The following CIMIP1 variants were observed in gnomAD, a reference collection of about 807,000 sequenced individuals.
CIMIP1 encodes low in lung cancer 1.
the CIMIP1 span, chr20:58,160,602 C>T: frequency 2.6e-6 from 4 of 1,553,072 alleles, no homozygotes; most frequent in African/African-American, 5.4e-5. Flanking sequence ...CATGCCGATG[C>T]TGGGTGCCTC....
At chr20:58,153,721 G>A in the CIMIP1 span, 20 of 961,956 alleles carry the variant, frequency 2.1e-5, no homozygotes, top group East Asian at 5.1e-4. Flanking sequence ...TAAAACTAAA[G>A]AGCATGTTGT....
At chr20:58,158,794 C>T in the CIMIP1 span, among the ~76,000 whole-genome samples, 1 of 152,170 alleles carries the variant, frequency 6.6e-6, no homozygotes, top group Non-Finnish European at 1.5e-5. Context: ...GAGATGCCTC[C>T]CTCCCTCTGG....
the CIMIP1 span, chr20:58,150,953 C>G: frequency 6.3e-7 from 1 of 1,598,468 alleles, no homozygotes; most frequent in African/African-American, 1.3e-5. Context: ...GCGCACAGAG[C>G]CCCCAGGCCT....
At chr20:58,152,131 C>T in the CIMIP1 span, among the ~76,000 whole-genome samples, 1 of 152,202 alleles carries the variant, frequency 6.6e-6, no homozygotes, top group African/African-American at 2.4e-5. Flanking sequence ...TCATATCACT[C>T]TCATAAATAG....
chr20:58,160,690 C>A, the CIMIP1 span: 1 of 1,614,024 alleles, frequency 6.2e-7, no homozygotes, highest in Non-Finnish European at 8.5e-7. Flanking sequence ...TCCCACAGAC[C>A]ACCCAGGGCT....
At chr20:58,153,611 AC>A in the CIMIP1 span, 2 of 1,612,604 alleles carry the variant, frequency 1.2e-6, no homozygotes, top group Non-Finnish European at 1.7e-6. Flanking sequence ...GTTTTTAACA[AC>A]CCCTTTTGAG....
the CIMIP1 span, among the ~76,000 whole-genome samples, chr20:58,157,964 T>G: frequency 6.6e-6 from 1 of 152,306 alleles, no homozygotes; most frequent in African/African-American, 2.4e-5. Flanking sequence ...GCATGGGATC[T>G]GCTTAGTGTC....
At chr20:58,159,806 C>A in the CIMIP1 span, among the ~76,000 whole-genome samples, 1 of 152,172 alleles carries the variant, frequency 6.6e-6, no homozygotes, top group African/African-American at 2.4e-5. Context: ...TGATGACCCG[C>A]CCTACATGTA....
chr20:58,154,156 A>T, the CIMIP1 span, among the ~76,000 whole-genome samples: 1 of 152,202 alleles, frequency 6.6e-6, no homozygotes, highest in Non-Finnish European at 1.5e-5. Context: ...CCTAAAGATG[A>T]CAAGTCCAGA....
the CIMIP1 span, chr20:58,160,750 C>T: frequency 5.6e-6 from 9 of 1,613,992 alleles, no homozygotes; most frequent in Middle Eastern, 1.6e-4. Flanking sequence ...GCCTAGAGCT[C>T]GACGATGCGA....
the CIMIP1 span, among the ~76,000 whole-genome samples, chr20:58,158,664 G>A: frequency 6.6e-6 from 1 of 151,722 alleles, no homozygotes; most frequent in Non-Finnish European, 1.5e-5. Flanking sequence ...AAAAAAAAAT[G>A]GTAGCTGGTT....
the CIMIP1 span, among the ~76,000 whole-genome samples, chr20:58,157,074 C>T: frequency 6.6e-6 from 1 of 152,198 alleles, no homozygotes; most frequent in Non-Finnish European, 1.5e-5. Context: ...TTTAGAAATA[C>T]ACCAAAATAT....
chr20:58,160,675 C>T, the CIMIP1 span: 1 of 1,613,982 alleles, frequency 6.2e-7, no homozygotes, highest in Non-Finnish European at 8.5e-7. Context: ...TTCCATCCCC[C>T]CCAGTCCCAC....
At chr20:58,160,948 G>A in the CIMIP1 span, 1 of 1,062,850 alleles carries the variant, frequency 9.4e-7, no homozygotes, top group Non-Finnish European at 1.3e-6. Flanking sequence ...CTCATGGGAT[G>A]TTGCAAAGAA....
At chr20:58,152,544 G>A in the CIMIP1 span, among the ~76,000 whole-genome samples, 1 of 151,928 alleles carries the variant, frequency 6.6e-6, no homozygotes, top group African/African-American at 2.4e-5. Context: ...CCAACATGGT[G>A]AAACCCCATC....
the CIMIP1 span, among the ~76,000 whole-genome samples, chr20:58,159,183 C>CTTTTTTTTTTTTTTTTTTTT: frequency 9.6e-6 from 1 of 104,084 alleles, no homozygotes; most frequent in Non-Finnish European, 1.8e-5. Context: ...GCACTTTCTT[C>CTTTTTTTTTTTTTTTTTTTT]TTTTTTTTTT....
chr20:58,152,313 G>A, the CIMIP1 span, among the ~76,000 whole-genome samples: 3 of 151,876 alleles, frequency 2.0e-5, no homozygotes, highest in African/African-American at 2.4e-5. Flanking sequence ...CCAAATCTAA[G>A]TGACCCCTCC....
At chr20:58,152,605 C>T in the CIMIP1 span, among the ~76,000 whole-genome samples, 1 of 151,422 alleles carries the variant, frequency 6.6e-6, no homozygotes, top group Non-Finnish European at 1.5e-5. Context: ...ACCTGTAATC[C>T]CAGCTACTCA....
the CIMIP1 span, chr20:58,160,938 C>A: frequency 8.7e-7 from 1 of 1,151,728 alleles, no homozygotes; most frequent in Non-Finnish European, 1.2e-6. Flanking sequence ...TGCGTACTTG[C>A]TCATGGGATG....
Sources: allele counts gnomAD v4.1 joint callset (sites outside exome capture counted in the v4.1 genomes callset), GRCh38; gene constraint gnomAD v4.1.1; transcripts MANE v1.5; gene names NCBI Gene and HGNC (gene_info 2026-07-23, HGNC 2026-07-21).